The following NFIB variants were observed in gnomAD, a reference collection of about 807,000 sequenced individuals.
The protein encoded by NFIB is nuclear factor I B.
Under a neutral mutation model 61.5 loss-of-function variants are expected in NFIB, and 11 were observed. The observed-to-expected ratio is 0.18, with a 90% CI of 0.11 to 0.30. The LOEUF (loss-of-function observed/expected upper bound fraction) is 0.30. Among genes scored for constraint, NFIB ranks in the 10% least tolerant of loss-of-function variants. The pLI, the probability that NFIB is intolerant of heterozygous loss-of-function variation, is 1.00. For synonymous variants in NFIB, 260 were observed against 216.5 expected (o/e 1.20, Z -1.76); for missense variants, 471 against 608.9 (o/e 0.77, Z 2.38).
At chr9:14,279,474 C>G (rs577758647) in intron 2 of NFIB, among the ~76,000 whole-genome samples, 1 of 152,254 alleles carries the variant, frequency 6.6e-6, no homozygotes, top group African/African-American at 2.4e-5. Flanking sequence ...TTAAGGCTAA[C>G]AGTGATCAGA....
At chr9:14,445,165 G>A in the NFIB span, among the ~76,000 whole-genome samples, 1 of 151,948 alleles carries the variant, frequency 6.6e-6, no homozygotes, top group Non-Finnish European at 1.5e-5. Flanking sequence ...TTTCTGTATT[G>A]GTTTTTGTTT....
chr9:14,372,790 T>C (rs959604483), intron 1 of NFIB, among the ~76,000 whole-genome samples: 7 of 152,206 alleles, frequency 4.6e-5, no homozygotes, highest in African/African-American at 7.2e-5. Flanking sequence ...TGCTATGCTA[T>C]CAAGCAAAAT....
At chr9:14,165,168 C>A (rs2044641825) in intron 3 of NFIB, among the ~76,000 whole-genome samples, 1 of 152,148 alleles carries the variant, frequency 6.6e-6, no homozygotes, top group African/African-American at 2.4e-5. Context: ...GAGTGCACAG[C>A]TGGATTTTAT....
the NFIB span, among the ~76,000 whole-genome samples, chr9:14,464,618 G>A: frequency 6.6e-6 from 1 of 152,180 alleles, no homozygotes; most frequent in Non-Finnish European, 1.5e-5. Context: ...CCTCAGGGGT[G>A]AGAGCTTAGG....
chr9:14,161,785 T>C (rs2044232924), intron 3 of NFIB, among the ~76,000 whole-genome samples: 1 of 152,160 alleles, frequency 6.6e-6, no homozygotes, highest in South Asian at 2.1e-4. Flanking sequence ...TTCCTTAGGC[T>C]GGAGTTCCCA....
At chr9:14,152,564 A>G (rs1461938545) in intron 4 of NFIB, among the ~76,000 whole-genome samples, 1 of 152,086 alleles carries the variant, frequency 6.6e-6, no homozygotes, top group Non-Finnish European at 1.5e-5. Context: ...TAGAGGTTCC[A>G]CCTTACATAA....
At chr9:14,513,650 A>T in the NFIB span, among the ~76,000 whole-genome samples, 1 of 114,026 alleles carries the variant, frequency 8.8e-6, no homozygotes, top group African/African-American at 2.8e-5. Context: ...GAAAAAGAAA[A>T]GAAAAAGAAA....
chr9:14,486,443 G>A, the NFIB span, among the ~76,000 whole-genome samples: 1 of 152,144 alleles, frequency 6.6e-6, no homozygotes, highest in East Asian at 1.9e-4. Flanking sequence ...TGGTGATCTG[G>A]ATTAAAAACT....
chr9:14,129,682 G>C (rs2040167816), intron 6 of NFIB, among the ~76,000 whole-genome samples: 1 of 152,140 alleles, frequency 6.6e-6, no homozygotes, highest in Admixed American at 6.5e-5. Context: ...TGACCTTTCT[G>C]TGAAGAAAAA....
chr9:14,180,703 A>G (rs535618173), intron 2 of NFIB: 1 of 152,292 alleles, frequency 6.6e-6, no homozygotes, highest in South Asian at 2.1e-4. Context: ...CTAGCATTTA[A>G]GTTTTGTCGC....
At chr9:14,112,746 A>T (rs2037562611) in intron 10 of NFIB, among the ~76,000 whole-genome samples, 1 of 152,222 alleles carries the variant, frequency 6.6e-6, no homozygotes, top group Non-Finnish European at 1.5e-5. Flanking sequence ...ACTTTGGCTG[A>T]AACACTATTA....
chr9:14,088,937 T>A lies in NFIB; in HGVS notation c.1468-611A>T, dbSNP rs768188851. On this transcript the variant is annotated intron_variant, in intron 10 of 10. Coordinates refer to ENST00000380953, the MANE Select transcript of NFIB (RefSeq NM_001190737.2). ...ATTATCAAACATACCTTAATCAGAG[T>A]TTTTTAGTAAAGACCGAACAAATAA... Among the ~76,000 whole-genome samples the A allele has an allele frequency of 1.3e-5, 2 of 151,728 alleles. 1 individual carries two copies. Among genetic ancestry groups the A allele is most frequent in the South Asian group, 4.2e-4 (2 of 4,800 alleles).
the NFIB span, among the ~76,000 whole-genome samples, chr9:14,508,654 C>T: frequency 1.0e-3 from 156 of 152,278 alleles, 1 homozygote; most frequent in African/African-American, 3.5e-3. Flanking sequence ...GAAGCAAGCC[C>T]GAATGGGATG....
intron 1 of NFIB, among the ~76,000 whole-genome samples, chr9:14,312,063 A>T (rs1564000159): frequency 6.6e-6 from 1 of 152,242 alleles, no homozygotes; most frequent in East Asian, 1.9e-4. Context: ...TGTTAAATTA[A>T]AGTGCGTGTT....
chr9:14,420,736 C>T, the NFIB span, among the ~76,000 whole-genome samples: 1 of 152,124 alleles, frequency 6.6e-6, no homozygotes, highest in African/African-American at 2.4e-5. Flanking sequence ...GATTTGGCCA[C>T]TTCATCATAG....
At chr9:14,158,677 CAGATGGTT>C (rs1375627251) in intron 3 of NFIB, among the ~76,000 whole-genome samples, 1 of 152,152 alleles carries the variant, frequency 6.6e-6, no homozygotes, top group Non-Finnish European at 1.5e-5. Flanking sequence ...AATGTAGATA[CAGATGGTT>C]TAAGATTTAT....
At chr9:14,174,510 G>A (rs1420039076) in intron 3 of NFIB, among the ~76,000 whole-genome samples, 1 of 152,160 alleles carries the variant, frequency 6.6e-6, no homozygotes, top group Non-Finnish European at 1.5e-5. Context: ...GCTCATGCCT[G>A]TAATCCCAGC....
At chr9:14,242,664 C>T (rs2054481483) in intron 2 of NFIB, among the ~76,000 whole-genome samples, 3 of 152,186 alleles carry the variant, frequency 2.0e-5, no homozygotes. Context: ...ATTTATACTT[C>T]TGTACCAGAT....
intron 2 of NFIB, among the ~76,000 whole-genome samples, chr9:14,234,214 T>A (rs1220281041): frequency 6.6e-6 from 1 of 152,002 alleles, no homozygotes; most frequent in African/African-American, 2.4e-5. Context: ...ATTCTCAGCA[T>A]CAAAAACCAG....
Sources: gnomAD v4.1 joint callset for allele counts (sites outside exome capture counted in the v4.1 genomes callset) on GRCh38, gnomAD v4.1.1 for gene constraint, MANE v1.5 for transcripts, NCBI Gene and HGNC (gene_info 2026-07-23, HGNC 2026-07-21) for gene names.